RPS6KA2: variants seen among roughly 807,000 people sequenced by gnomAD.
The protein encoded by RPS6KA2 is ribosomal protein S6 kinase A2, also known as ribosomal protein S6 kinase alpha-2.
In RPS6KA2, 42 loss-of-function variants were observed where a neutral mutation model predicts 91.8. The observed-to-expected ratio is 0.46, with a 90% CI of 0.36 to 0.59. The LOEUF (loss-of-function observed/expected upper bound fraction) is 0.59, where lower values mean the gene tolerates loss of function less well. Among genes scored for constraint, RPS6KA2 ranks in the 20% least tolerant of loss-of-function variants. The pLI, the probability that RPS6KA2 is intolerant of heterozygous loss-of-function variation, is 0.00. For missense variants in RPS6KA2, 798 were observed against 978.5 expected (o/e 0.82, Z 2.46); for synonymous variants, 414 against 393.6 (o/e 1.05, Z -0.61).
chr6:166,504,742 GC>G (rs376394911), intron 5 of RPS6KA2, 130 bp from the exon 6 acceptor site: 3 of 605,668 alleles, frequency 5.0e-6, no homozygotes, highest in Non-Finnish European at 8.6e-6. Context: ...GAACGCTATG[GC>G]CCCCCAGAGT....
chr6:166,727,324 ACAC>A (rs1790369422), intron 2 of RPS6KA2, among the ~76,000 whole-genome samples: 2 of 146,786 alleles, frequency 1.4e-5, no homozygotes, highest in African/African-American at 5.3e-5. Context: ...AAACAAACAC[ACAC>A]ACACACACAC....
chr6:166,427,948 T>C lies in RPS6KA2; in HGVS notation c.1581+2505A>G, dbSNP rs371355595. ...CTTTCTTCACAGAATTGGAAAAAAC[T>C]ACTTTAAAGTTCATATGGAACCAAA... On this transcript the variant is annotated intron_variant, in intron 16 of 20. Coordinates refer to ENST00000265678, the MANE Select transcript of RPS6KA2 (RefSeq NM_021135.6). Among the ~76,000 whole-genome samples, 38 of 150,930 alleles carry C rather than the reference T, an allele frequency of 2.5e-4. No individual in the cohort carries two copies. In the East Asian group the frequency reaches 7.1e-3, roughly 28 times the overall value.
intron 2 of RPS6KA2, among the ~76,000 whole-genome samples, chr6:166,652,198 G>A (rs991370625): frequency 3.9e-5 from 6 of 152,190 alleles, no homozygotes; most frequent in South Asian, 4.1e-4. Flanking sequence ...AGCCATTCGC[G>A]GGTATTATAT....
At chr6:166,425,427 C>T (rs1778875593) in intron 16 of RPS6KA2, among the ~76,000 whole-genome samples, 1 of 151,644 alleles carries the variant, frequency 6.6e-6, no homozygotes, top group African/African-American at 2.4e-5. Flanking sequence ...ATCGTAATGA[C>T]AGGATCAAAT....
Position 166,418,407 on chromosome 6 carries a change from G to T in RPS6KA2, c.1821-65C>A. 1.7e-6 allele frequency: 2 copies of T among 1,201,128 alleles called. No individual in the cohort carries two copies. Among genetic ancestry groups the T allele is most frequent in the Non-Finnish European group, 2.5e-6 (2 of 806,958 alleles). 74.4% of individuals were successfully genotyped at this position (1,201,128 alleles called of 1,614,324 possible). A position where few individuals can be genotyped will look rare whatever the true frequency, so the allele number is the denominator to read the frequency against. Reference sequence around the variant, plus strand: ...TTACAACCTAAAATAAAGTTTGCAAGTTGATATCACCCCTTGGCTGTTCAA... The same window carrying T: ...TTACAACCTAAAATAAAGTTTGCAATTTGATATCACCCCTTGGCTGTTCAA... On this transcript the variant is annotated intron_variant, in intron 18 of 20. Coordinates refer to ENST00000265678, the MANE Select transcript of RPS6KA2 (RefSeq NM_021135.6). The surrounding 1 kb of genome is among the most constrained non-coding windows in gnomAD (Gnocchi z 4.9).
At chr6:166,460,433 G>T (rs935031057) in intron 11 of RPS6KA2, among the ~76,000 whole-genome samples, 2 of 152,230 alleles carry the variant, frequency 1.3e-5, no homozygotes, top group Non-Finnish European at 2.9e-5. Context: ...TGATGCTGCA[G>T]GTGGTGCTTA....
chr6:166,855,927 G>A (rs1780888198), intron 2 of RPS6KA2, among the ~76,000 whole-genome samples: 2 of 152,174 alleles, frequency 1.3e-5, no homozygotes, highest in Admixed American at 6.5e-5. Context: ...TAAGCATCAG[G>A]AAACAGTAAT....
At chr6:166,659,171 CATG>C (rs57533268) in intron 2 of RPS6KA2, among the ~76,000 whole-genome samples, 47,189 of 151,730 alleles carry the variant, frequency 0.31, 7,456 homozygotes, top group East Asian at 0.41. Flanking sequence ...AGAAAATGAG[CATG>C]AAGTCAGACA....
chr6:166,619,156 G>A (rs1450839294), intron 1 of RPS6KA2, among the ~76,000 whole-genome samples: 1 of 152,184 alleles, frequency 6.6e-6, no homozygotes, highest in Non-Finnish European at 1.5e-5. Flanking sequence ...ACTTGACTGA[G>A]TCACACATCA....
Position 166,648,206 on chromosome 6 carries a change from T to A in RPS6KA2, c.124-109422A>T, listed in dbSNP as rs1408842044. Among the ~76,000 whole-genome samples the A allele has an allele frequency of 3.5e-5, 4 of 115,920 alleles. No individual in the cohort carries two copies. Among genetic ancestry groups the A allele is most frequent in the African/African-American group, 6.9e-5 (2 of 29,026 alleles). The allele number at this position is 115,920 out of a possible 152,430, so 76.0% of individuals were successfully genotyped here. Reference sequence around the variant, plus strand: ...CATGCACACATGCTCATACACACACTCATGCACACACACGCACATGCGCAC... The same window carrying A: ...CATGCACACATGCTCATACACACACACATGCACACACACGCACATGCGCAC... On this transcript the variant is annotated intron_variant, in intron 2 of 21. Coordinates refer to the RPS6KA2 transcript ENST00000503859. This position sits in a 1 kb window ranked among gnomAD's most constrained non-coding sequence, Gnocchi z 4.8.
intron 14 of RPS6KA2, among the ~76,000 whole-genome samples, chr6:166,438,050 G>C (rs952488951): frequency 2.0e-5 from 3 of 152,172 alleles, no homozygotes; most frequent in Admixed American, 6.5e-5. Context: ...CATTTCCCTT[G>C]AGTTGCCGAA....
chr6:166,777,000 T>A (rs916566930), intron 2 of RPS6KA2, among the ~76,000 whole-genome samples: 1 of 152,230 alleles, frequency 6.6e-6, no homozygotes, highest in Non-Finnish European at 1.5e-5. Context: ...AAATGTCTAC[T>A]TAAGCCCATC....
intron 3 of RPS6KA2, among the ~76,000 whole-genome samples, chr6:166,522,541 C>G (rs2128488379): frequency 6.6e-6 from 1 of 152,350 alleles, no homozygotes; most frequent in Non-Finnish European, 1.5e-5. Flanking sequence ...CCGACAGACA[C>G]ACTTTCGCCT....
chr6:166,697,017 C>A (rs756386899), intron 2 of RPS6KA2, among the ~76,000 whole-genome samples: 1 of 151,892 alleles, frequency 6.6e-6, no homozygotes. Flanking sequence ...CATAGTTGTA[C>A]GAACCAATTC....
chr6:166,860,262 G>T (rs1781014308), intron 1 of RPS6KA2, among the ~76,000 whole-genome samples: 1 of 152,130 alleles, frequency 6.6e-6, no homozygotes, highest in Non-Finnish European at 1.5e-5. Flanking sequence ...CACCAGCTGT[G>T]CTCTCCTGAA....
Position 166,733,065 on chromosome 6 carries a change from G to A in RPS6KA2, c.123+125135C>T, listed in dbSNP as rs1398861950. On this transcript the variant is annotated intron_variant, in intron 2 of 21. Transcript: ENST00000503859. This position sits in a 1 kb window ranked among gnomAD's most constrained non-coding sequence, Gnocchi z 4.1. ...GGACCCTCTTTGCAGAAGCTTTCAC[G>A]AGCCTAAGGGTGAGATGCTCTGCCC... 6.6e-6 allele frequency among the ~76,000 whole-genome samples: 1 copy of A among 152,116 alleles called. No individual in the cohort carries two copies. The highest frequency in any genetic ancestry group is 2.4e-5 in the African/African-American group (1 of 41,420).
In RPS6KA2 at chr6:166,855,477, A is replaced by AGAG. The variant is rs1486319387; in HGVS notation, c.123+2722_123+2723insCTC. 8.5e-4 allele frequency among the ~76,000 whole-genome samples: 45 copies of AGAG among 53,194 alleles called. No individual in the cohort carries two copies. In the East Asian group the frequency reaches 0.035, roughly 41 times the overall value. The allele number at this position is 53,194 out of a possible 152,430, so 34.9% of individuals were successfully genotyped here. On this transcript the variant is annotated intron_variant, in intron 2 of 21. Coordinates refer to the RPS6KA2 transcript ENST00000503859. ...AAGAAGAAGAGGAAGAGGAAGAGGAAGAAGAAGAAGAGGAAGAAGAAGAGG... is the reference window on the plus strand; with the variant it reads ...AAGAAGAAGAGGAAGAGGAAGAGGAAGAGGAAGAAGAAGAGGAAGAAGAAGAGG...
chr6:166,453,325 G>A (rs532227756), intron 12 of RPS6KA2, among the ~76,000 whole-genome samples: 1 of 152,166 alleles, frequency 6.6e-6, no homozygotes, highest in Admixed American at 6.6e-5. Flanking sequence ...GCAACTGACA[G>A]GGGAGTAATA....
Position 166,500,183 on chromosome 6 carries a change from AC to A in RPS6KA2, c.604+703del, listed in dbSNP as rs1215982106. Among the ~76,000 whole-genome samples, 1 of 152,200 alleles carries A rather than the reference AC, an allele frequency of 6.6e-6. No homozygotes were observed. Among genetic ancestry groups the A allele is most frequent in the Non-Finnish European group, 1.5e-5 (1 of 68,032 alleles). On this transcript the variant is annotated intron_variant, in intron 7 of 20. Coordinates refer to ENST00000265678, the MANE Select transcript of RPS6KA2 (RefSeq NM_021135.6). The surrounding 1 kb of genome is among the most constrained non-coding windows in gnomAD (Gnocchi z 4.3). Reference sequence around the variant, plus strand: ...CCAAAAGGCAGGCAGCCCTGCTGACACCTTGATTTCATTCCTGGGAGACTTA... The same window carrying A: ...CCAAAAGGCAGGCAGCCCTGCTGACACTTGATTTCATTCCTGGGAGACTTA...
Sources: gnomAD v4.1 joint callset for allele counts (sites outside exome capture counted in the v4.1 genomes callset) on GRCh38, gnomAD v4.1.1 for gene constraint, Gnocchi (gnomAD v3.1) non-coding constraint, MANE v1.5 for transcripts, NCBI Gene and HGNC (gene_info 2026-07-23, HGNC 2026-07-21) for gene names.